FNDC3B: variants seen among roughly 807,000 people sequenced by gnomAD.
The protein encoded by FNDC3B is fibronectin type III domain containing 3B.
In FNDC3B, 12 loss-of-function variants were observed where a neutral mutation model predicts 151.5. That is an observed-to-expected ratio of 0.08 (90% CI 0.05 to 0.13). The LOEUF (loss-of-function observed/expected upper bound fraction) is 0.13. Ranked by LOEUF, FNDC3B falls within the 10% of genes least tolerant of loss-of-function variation. The pLI, the probability that FNDC3B is intolerant of heterozygous loss-of-function variation, is 1.00. For missense variants in FNDC3B, 1,214 were observed against 1,505.3 expected (o/e 0.81, Z 3.20); for synonymous variants, 528 against 549.0 (o/e 0.96, Z 0.54).
At chr3:172,265,152 A>G (rs1560046959) in intron 6 of FNDC3B, among the ~76,000 whole-genome samples, 1 of 152,244 alleles carries the variant, frequency 6.6e-6, no homozygotes, top group African/African-American at 2.4e-5. Context: ...GTGGGAAACT[A>G]CTATTTCTAT....
chr3:172,232,296 ATAAT>A (rs1726932587), intron 4 of FNDC3B, among the ~76,000 whole-genome samples: 1 of 152,262 alleles, frequency 6.6e-6, no homozygotes, highest in African/African-American at 2.4e-5. Context: ...GATTTGTTGT[ATAAT>A]TAAATAGCCG....
intron 1 of FNDC3B, among the ~76,000 whole-genome samples, chr3:172,062,860 A>AG (rs1230146367): frequency 6.6e-6 from 1 of 152,188 alleles, no homozygotes; most frequent in Admixed American, 6.5e-5. Context: ...TGAATAACTT[A>AG]GGTCAAAATG....
At chr3:172,196,149 GATTTTTAAATTTAATTT>G (rs1327317181) in intron 3 of FNDC3B, among the ~76,000 whole-genome samples, 4 of 152,230 alleles carry the variant, frequency 2.6e-5, no homozygotes, top group African/African-American at 9.6e-5. Flanking sequence ...AGATTTTTCA[GATTTTTAAATTTAATTT>G]ATTTTTAAAT....
intron 11 of FNDC3B, among the ~76,000 whole-genome samples, chr3:172,315,425 G>A (rs2108261241): frequency 6.6e-6 from 1 of 152,302 alleles, no homozygotes; most frequent in Middle Eastern, 3.4e-3. Context: ...TTCAGCTGTG[G>A]CCTTCAGTTT....
intron 2 of FNDC3B, among the ~76,000 whole-genome samples, chr3:172,124,137 CT>C (rs941035578): frequency 1.3e-5 from 2 of 152,122 alleles, no homozygotes; most frequent in African/African-American, 4.8e-5. Flanking sequence ...GTCGCCCAGG[CT>C]GGAGTGCAAT....
chr3:172,331,611 C>T (rs1732673742), intron 13 of FNDC3B, among the ~76,000 whole-genome samples: 1 of 152,146 alleles, frequency 6.6e-6, no homozygotes, highest in Non-Finnish European at 1.5e-5. Context: ...CTGCCCTCCT[C>T]AGCCTCCCAA....
chr3:172,233,497 A>G (rs530395253), intron 4 of FNDC3B, among the ~76,000 whole-genome samples: 7 of 152,244 alleles, frequency 4.6e-5, no homozygotes, highest in Admixed American at 1.3e-4. Flanking sequence ...TCATTTGCCA[A>G]TGATGAGTGG....
At chr3:172,261,395 G>T (rs1468985611) in intron 6 of FNDC3B, among the ~76,000 whole-genome samples, 2 of 152,170 alleles carry the variant, frequency 1.3e-5, no homozygotes, top group East Asian at 3.8e-4. Context: ...TACATAAACT[G>T]CAGTGTCAAG....
intron 25 of FNDC3B, among the ~76,000 whole-genome samples, chr3:172,396,327 A>G (rs1487117395): frequency 1.3e-5 from 2 of 152,234 alleles, no homozygotes; most frequent in Middle Eastern, 3.4e-3. Context: ...TATAGTGTCT[A>G]CCTCTTGGGG....
chr3:172,251,388 A>G lies in FNDC3B; in HGVS notation c.637A>G (p.Ile213Val), dbSNP rs750812374. 6.2e-6 allele frequency: 10 copies of G among 1,613,978 alleles called. No individual in the cohort carries two copies. Among genetic ancestry groups the G allele is most frequent in the South Asian group, 5.5e-5 (5 of 91,072 alleles). ...QNRLNSPPSSIYKSSCTTVYN... is the reference protein window; with the variant it reads ...QNRLNSPPSSVYKSSCTTVYN... ...CCGCCTCAACAGCCCTCCTTCTTCT[A>G]TCTACAAAAGCAGCTGCACAACAGT... The change falls in exon 6 of 26, where the codon ATC becomes GTC. Residue 213 changes from isoleucine to valine, a missense_variant. Physicochemically the swap from Ile to Val is conservative, Grantham distance 29. Transcript: ENST00000415807.
intron 3 of FNDC3B, among the ~76,000 whole-genome samples, chr3:172,200,748 T>G (rs572074422): frequency 2.6e-4 from 39 of 152,318 alleles, no homozygotes; most frequent in African/African-American, 8.7e-4. Context: ...TCTGTAATTG[T>G]TTTTGTCATT....
At chr3:172,202,486 CG>C (rs1242599115) in intron 3 of FNDC3B, among the ~76,000 whole-genome samples, 1 of 152,126 alleles carries the variant, frequency 6.6e-6, no homozygotes, top group Non-Finnish European at 1.5e-5. Flanking sequence ...AGATCCCTCC[CG>C]TCCCCTGTTA....
chr3:172,199,328 C>T (rs905391012), intron 3 of FNDC3B, among the ~76,000 whole-genome samples: 7 of 151,728 alleles, frequency 4.6e-5, no homozygotes, highest in Non-Finnish European at 8.8e-5. Context: ...TACAGGCGCC[C>T]GCCACCTCGC....
chr3:172,165,384 G>A (rs142609395), intron 3 of FNDC3B, among the ~76,000 whole-genome samples: 411 of 152,238 alleles, frequency 2.7e-3, no homozygotes, highest in Middle Eastern at 0.017. Context: ...TAATTTTTTT[G>A]TTGATGGAGA....
chr3:172,233,590 T>G (rs1215454691), intron 4 of FNDC3B, among the ~76,000 whole-genome samples: 1 of 152,236 alleles, frequency 6.6e-6, no homozygotes, highest in Non-Finnish European at 1.5e-5. Flanking sequence ...TCCCCCCATT[T>G]CGCTTAGCCA....
chr3:172,295,285 C>T, intron 7 of FNDC3B, 78 bp from the exon 8 acceptor site: 1 of 1,344,308 alleles, frequency 7.4e-7, no homozygotes, highest in South Asian at 1.3e-5. Context: ...AACTGTGAGC[C>T]AGTTTTATGC....
At chr3:172,099,059 T>A (rs1719239257) in intron 1 of FNDC3B, among the ~76,000 whole-genome samples, 1 of 152,226 alleles carries the variant, frequency 6.6e-6, no homozygotes, top group African/African-American at 2.4e-5. Context: ...GAAAGATATT[T>A]TGGAGTTCCA....
At chr3:172,226,756 G>C in intron 3 of FNDC3B, 115 bp from the exon 4 acceptor site, 1 of 665,936 alleles carries the variant, frequency 1.5e-6, no homozygotes, top group East Asian at 2.8e-5. Flanking sequence ...AACTTTTGAA[G>C]AGCAAATTGT....
At chr3:172,169,300 G>T (rs903764056) in intron 3 of FNDC3B, among the ~76,000 whole-genome samples, 1 of 152,220 alleles carries the variant, frequency 6.6e-6, no homozygotes, top group East Asian at 1.9e-4. Context: ...CCTGAGCGGC[G>T]CTCCGGAATG....
Sources: gnomAD v4.1 joint callset for allele counts (sites outside exome capture counted in the v4.1 genomes callset) on GRCh38, gnomAD v4.1.1 for gene constraint, MANE v1.5 for transcripts, NCBI Gene and HGNC (gene_info 2026-07-23, HGNC 2026-07-21) for gene names.